The following FNBP1 variants were observed in gnomAD, a reference collection of about 807,000 sequenced individuals.
The protein encoded by FNBP1 is formin-binding protein 1.
FNBP1 carries 26 observed loss-of-function variants against 90.6 expected under a neutral mutation model. The ratio of observed to expected loss-of-function variants is 0.29; its 90% CI spans 0.21 to 0.40. The LOEUF (loss-of-function observed/expected upper bound fraction) is 0.40. Ranked by LOEUF, FNBP1 falls within the 10% of genes least tolerant of loss-of-function variation. FNBP1 has a pLI of 1.00. For missense variants in FNBP1, 635 were observed against 768.0 expected, an observed-to-expected ratio of 0.83 and a Z score of 2.05; for synonymous variants, 260 against 265.2, an observed-to-expected ratio of 0.98 and a Z score of 0.19.
chr9:130,036,841 C>G (rs569450769), intron 1 of FNBP1, among the ~76,000 whole-genome samples: 2 of 151,578 alleles, frequency 1.3e-5, no homozygotes, highest in African/African-American at 4.9e-5. Context: ...GTCAGGAGAT[C>G]GAGACCATCC....
intron 11 of FNBP1, among the ~76,000 whole-genome samples, chr9:129,912,353 G>GA (rs1309998913): frequency 1.3e-5 from 2 of 152,098 alleles, no homozygotes; most frequent in Non-Finnish European, 1.5e-5. Flanking sequence ...TTAAAAGCTG[G>GA]AATACAGCAA....
chr9:129,991,704 G>A (rs1403054474), intron 2 of FNBP1, among the ~76,000 whole-genome samples: 1 of 150,822 alleles, frequency 6.6e-6, no homozygotes, highest in Non-Finnish European at 1.5e-5. Flanking sequence ...CTGTCGCCCA[G>A]GCTGGAGTGC....
chr9:130,037,390 A>G (rs1035566720), intron 1 of FNBP1, among the ~76,000 whole-genome samples: 2 of 152,140 alleles, frequency 1.3e-5, no homozygotes, highest in Non-Finnish European at 2.9e-5. Flanking sequence ...TAGAAGAGCT[A>G]GGGACGATTG....
intron 11 of FNBP1, among the ~76,000 whole-genome samples, chr9:129,914,755 G>GTGTATATATATATATATATATA (rs71499203): frequency 3.0e-5 from 3 of 98,434 alleles, no homozygotes; most frequent in Non-Finnish European, 4.2e-5. Flanking sequence ...ACATACATAT[G>GTGTATATATATATATATATATA]TCTATATATA....
At chr9:129,961,637 G>A (rs994889917) in intron 4 of FNBP1, among the ~76,000 whole-genome samples, 3 of 152,002 alleles carry the variant, frequency 2.0e-5, no homozygotes, top group Non-Finnish European at 2.9e-5. Context: ...GCGTGATCTC[G>A]GTTCACTGAG....
At chr9:129,937,944 G>A (rs1341392535) in intron 6 of FNBP1, among the ~76,000 whole-genome samples, 1 of 151,820 alleles carries the variant, frequency 6.6e-6, no homozygotes, top group Non-Finnish European at 1.5e-5. Flanking sequence ...GGGCATGTCA[G>A]TTGAGGCCAG....
At chr9:130,011,109 G>A (rs1359005434) in intron 1 of FNBP1, among the ~76,000 whole-genome samples, 3 of 149,602 alleles carry the variant, frequency 2.0e-5, no homozygotes, top group South Asian at 2.1e-4. Flanking sequence ...CCAGCTACTC[G>A]GGAGGCTGAG....
chr9:129,916,498 T>G (rs2040273235), intron 10 of FNBP1, among the ~76,000 whole-genome samples: 1 of 151,678 alleles, frequency 6.6e-6, no homozygotes, highest in Admixed American at 6.6e-5. Context: ...ACACCTGTAA[T>G]CCCAGCTATT....
intron 1 of FNBP1, among the ~76,000 whole-genome samples, chr9:130,018,553 GTATTTATTTATTTATT>G (rs375132451): frequency 1.3e-5 from 2 of 151,428 alleles, no homozygotes; most frequent in Non-Finnish European, 2.9e-5. Flanking sequence ...ACTCATTTGG[GTATTTATTTATTTATT>G]TATTTATTTA....
intron 4 of FNBP1, among the ~76,000 whole-genome samples, chr9:129,962,438 A>C (rs539493867): frequency 2.6e-5 from 4 of 152,304 alleles, no homozygotes; most frequent in African/African-American, 9.6e-5. Flanking sequence ...GGTCAGGTGA[A>C]GGAAGGATAA....
intron 1 of FNBP1, among the ~76,000 whole-genome samples, chr9:130,016,604 G>T (rs1331364090): frequency 6.6e-6 from 1 of 152,252 alleles, no homozygotes. Flanking sequence ...TTAGCTGGGC[G>T]TGGTGGTGCA....
Position 129,979,359 on chromosome 9 carries a change from C to T in FNBP1, c.156G>A (p.Lys52=). Residue 52 remains lysine (K), a synonymous_variant, in exon 3 of 17, where the codon AAG becomes AAA. Coordinates refer to ENST00000446176, the MANE Select transcript of FNBP1 (RefSeq NM_015033.3). ...CCTTCGAGTTCTTTTTAGGTTGGTACTTCTTTGAAAGATTCCTGAAATAAA... is the reference window on the plus strand; with the variant it reads ...CCTTCGAGTTCTTTTTAGGTTGGTATTTCTTTGAAAGATTCCTGAAATAAA... The part of the protein sequence containing the change: ...YAKQLRNLSK[K]YQPKKNSKEE... 2 of 1,604,650 alleles carry T rather than the reference C, an allele frequency of 1.2e-6. No individual in the cohort carries two copies. The highest frequency in any genetic ancestry group is 1.7e-6 in the Non-Finnish European group (2 of 1,172,766).
At chr9:130,043,239 G>C (rs921540169), upstream of FNBP1, 8 of 310,314 alleles carry the variant, frequency 2.6e-5, no homozygotes, top group Non-Finnish European at 4.1e-5. Flanking sequence ...GGGGAGGGGC[G>C]GGAGGGGAGG....
intron 6 of FNBP1, among the ~76,000 whole-genome samples, chr9:129,937,433 T>C (rs2043647767): frequency 6.6e-6 from 1 of 152,118 alleles, no homozygotes; most frequent in African/African-American, 2.4e-5. Context: ...TATATAACTT[T>C]TAAGAATTTT....
At chr9:129,963,072 AAGTTTTACTTTGAGATTCAAAGAC>A (rs1215955904) in intron 4 of FNBP1, among the ~76,000 whole-genome samples, 1 of 152,154 alleles carries the variant, frequency 6.6e-6, no homozygotes, top group Non-Finnish European at 1.5e-5. Context: ...CCGCTCCCAA[AAGTTTTACTTTGAGATTCAAAGAC>A]AGGAACAAAA....
At chr9:129,927,585 C>T (rs1031989037) in intron 7 of FNBP1, among the ~76,000 whole-genome samples, 10 of 152,042 alleles carry the variant, frequency 6.6e-5, no homozygotes, top group Non-Finnish European at 1.5e-4. Flanking sequence ...AGTAAGAATG[C>T]CAAACTCAAT....
At position 130,038,028 on chromosome 9, in the gene FNBP1, T is replaced by C. The variant is rs1289315394; in HGVS notation, c.24+4924A>G. ...AACAGATGAATGTATATTATATGCC[T>C]GGCATGGTTCTAAAAATCACAGGTA... On this transcript the variant is annotated intron_variant, in intron 1 of 16. Coordinates refer to ENST00000446176, the MANE Select transcript of FNBP1 (RefSeq NM_015033.3). Among the ~76,000 whole-genome samples the C allele has an allele frequency of 3.3e-5, 5 of 152,202 alleles. No homozygotes were observed. The East Asian group carries it at 9.7e-4, about 29-fold the overall frequency.
chr9:130,030,682 C>T (rs567473458), intron 1 of FNBP1, among the ~76,000 whole-genome samples: 1 of 152,242 alleles, frequency 6.6e-6, no homozygotes, highest in African/African-American at 2.4e-5. Context: ...TAGCTTTCCA[C>T]CCAGATTAGC....
At chr9:129,926,517 G>A (rs184401269) in intron 8 of FNBP1, among the ~76,000 whole-genome samples, 1 of 152,252 alleles carries the variant, frequency 6.6e-6, no homozygotes, top group East Asian at 1.9e-4. Context: ...GTAGAGGCCA[G>A]GATGCTGCTA....
Sources: gnomAD v4.1 joint callset for allele counts (sites outside exome capture counted in the v4.1 genomes callset) on GRCh38, gnomAD v4.1.1 for gene constraint, MANE v1.5 for transcripts, NCBI Gene and HGNC (gene_info 2026-07-23, HGNC 2026-07-21) for gene names.